Variants in GATAD1 observed in about 807,000 individuals in gnomAD.
GATAD1 encodes GATA zinc finger domain-containing protein 1.
GATAD1 carries 12 observed loss-of-function variants against 26.5 expected under a neutral mutation model. The observed-to-expected ratio is 0.45, with a 90% CI of 0.29 to 0.73. The LOEUF (loss-of-function observed/expected upper bound fraction) is 0.73. Ranked by LOEUF, GATAD1 falls within the 30% of genes least tolerant of loss-of-function variation. GATAD1 has a pLI of 0.10. For synonymous variants in GATAD1, 129 were observed against 133.1 expected (o/e 0.97, Z 0.21); for missense variants, 266 against 342.1 (o/e 0.78, Z 1.75).
the GATAD1 span, chr7:92,470,575 A>G: frequency 1.9e-6 from 1 of 522,896 alleles, no homozygotes; most frequent in African/African-American, 1.9e-5. Context: ...TGGGGTAGAT[A>G]AAATGACTGG....
chr7:92,452,560 C>T (rs892767915), intron 3 of GATAD1, among the ~76,000 whole-genome samples: 1 of 152,192 alleles, frequency 6.6e-6, no homozygotes, highest in Non-Finnish European at 1.5e-5. Flanking sequence ...TCCATGAACT[C>T]AGATCTGGTG....
the GATAD1 span, chr7:92,469,799 T>G: frequency 2.6e-6 from 2 of 766,536 alleles, no homozygotes; most frequent in South Asian, 2.7e-5. Flanking sequence ...ACATATGGCC[T>G]GAAGTTCAGG....
At chr7:92,493,004 G>T in the GATAD1 span, 1 of 1,613,822 alleles carries the variant, frequency 6.2e-7, no homozygotes, top group East Asian at 2.2e-5. Context: ...ATTGGGCATT[G>T]TAAAGTAAAG....
At chr7:92,465,463 C>CAA in the GATAD1 span, among the ~76,000 whole-genome samples, 1 of 151,824 alleles carries the variant, frequency 6.6e-6, no homozygotes, top group East Asian at 1.9e-4. Context: ...ACTAAAAATA[C>CAA]AAAAATTAGC....
the GATAD1 span, chr7:92,491,247 G>A: frequency 1.4e-6 from 2 of 1,412,824 alleles, no homozygotes; most frequent in South Asian, 1.1e-5. Flanking sequence ...TTTCAGAACT[G>A]TATAATGATG....
the GATAD1 span, among the ~76,000 whole-genome samples, chr7:92,484,296 C>G: frequency 6.6e-6 from 1 of 152,002 alleles, no homozygotes; most frequent in Admixed American, 6.5e-5. Flanking sequence ...AGAAGTTTGC[C>G]CATAGTGAAG....
At chr7:92,454,378 C>CA in intron 3 of GATAD1, 124 bp from the exon 4 acceptor site, 1 of 731,720 alleles carries the variant, frequency 1.4e-6, no homozygotes, top group South Asian at 1.6e-5. Context: ...AACACTGATA[C>CA]ATTAGACTAT....
At chr7:92,486,496 T>C in the GATAD1 span, among the ~76,000 whole-genome samples, 1 of 152,206 alleles carries the variant, frequency 6.6e-6, no homozygotes, top group African/African-American at 2.4e-5. Context: ...CAAAGTGCAA[T>C]GCAGGGTGAC....
the GATAD1 span, chr7:92,489,765 T>A: frequency 6.2e-7 from 1 of 1,614,168 alleles, no homozygotes; most frequent in Non-Finnish European, 8.5e-7. Context: ...CTGCCCTCAG[T>A]TGATCTCTTT....
downstream of GATAD1, among the ~76,000 whole-genome samples, chr7:92,463,618 G>A (rs922034974): frequency 2.7e-5 from 4 of 150,134 alleles, no homozygotes; most frequent in South Asian, 2.1e-4. Context: ...AGCTGAGATC[G>A]CGCCACTGCA....
chr7:92,482,739 T>C, the GATAD1 span, among the ~76,000 whole-genome samples: 1 of 152,034 alleles, frequency 6.6e-6, no homozygotes, highest in South Asian at 2.1e-4. Flanking sequence ...AAGCAGATAA[T>C]TTGGTTAAAA....
At chr7:92,455,564 T>G (rs1177948225) in intron 4 of GATAD1, among the ~76,000 whole-genome samples, 2 of 152,204 alleles carry the variant, frequency 1.3e-5, no homozygotes, top group Non-Finnish European at 2.9e-5. Context: ...TCACAAGAAT[T>G]TACTGATTAA....
At chr7:92,465,314 T>G in the GATAD1 span, 1 of 152,236 alleles carries the variant, frequency 6.6e-6, no homozygotes, top group Non-Finnish European at 1.5e-5. Context: ...TTTCTTTCTT[T>G]TCTGTTGAAG....
At chr7:92,483,576 G>A in the GATAD1 span, among the ~76,000 whole-genome samples, 2 of 152,252 alleles carry the variant, frequency 1.3e-5, no homozygotes, top group Non-Finnish European at 2.9e-5. Context: ...TGTAAAGCCT[G>A]TAAGGGTTGT....
the GATAD1 span, chr7:92,472,398 G>A: frequency 6.6e-6 from 1 of 152,226 alleles, no homozygotes; most frequent in African/African-American, 2.4e-5. Context: ...TAAACAATGA[G>A]GTCAACCCTT....
At chr7:92,494,458 C>T in the GATAD1 span, 9 of 1,612,244 alleles carry the variant, frequency 5.6e-6, no homozygotes, top group Admixed American at 8.3e-5. Context: ...TTTGTTATAA[C>T]ATTCTATTTC....
chr7:92,468,852 A>G, the GATAD1 span: 16 of 764,362 alleles, frequency 2.1e-5, no homozygotes, highest in Non-Finnish European at 2.6e-5. Flanking sequence ...CATTAACATC[A>G]GATCGTGGGC....
At chr7:92,470,367 A>G in the GATAD1 span, 1 of 710,368 alleles carries the variant, frequency 1.4e-6, no homozygotes, top group East Asian at 2.5e-5. Flanking sequence ...GAAAAATATG[A>G]TAAGGGAGGG....
chr7:92,449,672 TC>T (rs1789335827), intron 2 of GATAD1: 26 of 905,732 alleles, frequency 2.9e-5, no homozygotes, highest in Non-Finnish European at 3.4e-5. Flanking sequence ...CAGACTATTT[TC>T]TTTTTTTTTT....
Sources: allele counts gnomAD v4.1 joint callset (sites outside exome capture counted in the v4.1 genomes callset), GRCh38; gene constraint gnomAD v4.1.1; transcripts MANE v1.5; gene names NCBI Gene and HGNC (gene_info 2026-07-23, HGNC 2026-07-21).